CNBD1: variants seen among roughly 807,000 people sequenced by gnomAD.
CNBD1 encodes cyclic nucleotide binding domain containing 1.
Under a neutral mutation model 54.4 loss-of-function variants are expected in CNBD1, and 71 were observed. The observed-to-expected ratio is 1.30, with a 90% CI of 1.08 to 1.59. The LOEUF is 1.59. Ranked by LOEUF, CNBD1 falls within the 40% of genes most tolerant of loss-of-function variation. The probability of loss-of-function intolerance (pLI) is 0.00; values close to 1 mark genes in which losing one functional copy is unlikely to be tolerated. For missense variants in CNBD1, 659 were observed against 518.0 expected, an observed-to-expected ratio of 1.27 and a Z score of -2.64; for synonymous variants, 182 against 170.7, an observed-to-expected ratio of 1.07 and a Z score of -0.51.
At chr8:87,273,119 A>C (rs1467033625) in intron 6 of CNBD1, among the ~76,000 whole-genome samples, 2 of 152,012 alleles carry the variant, frequency 1.3e-5, no homozygotes, top group Non-Finnish European at 2.9e-5. Context: ...AAATAATAGT[A>C]GTACTGTAGT....
At chr8:87,049,433 G>A (rs1184493027) in intron 4 of CNBD1, among the ~76,000 whole-genome samples, 1 of 152,154 alleles carries the variant, frequency 6.6e-6, no homozygotes, top group Non-Finnish European at 1.5e-5. Flanking sequence ...GCATCCTTCT[G>A]AGAGCAACTA....
chr8:87,296,844 C>G (rs1454643412), intron 8 of CNBD1, among the ~76,000 whole-genome samples: 1 of 151,962 alleles, frequency 6.6e-6, no homozygotes, highest in Admixed American at 6.6e-5. Context: ...ATGCAAGCCA[C>G]ATATATCATT....
chr8:87,139,197 C>T (rs1812322210), intron 4 of CNBD1, among the ~76,000 whole-genome samples: 1 of 152,018 alleles, frequency 6.6e-6, no homozygotes. Context: ...TAAAGCCCTG[C>T]CATGGAAAGG....
intron 4 of CNBD1, among the ~76,000 whole-genome samples, chr8:87,024,389 G>C (rs1055256751): frequency 1.7e-4 from 25 of 150,208 alleles, no homozygotes; most frequent in African/African-American, 6.1e-4. Flanking sequence ...TCCCAGGCTG[G>C]AGTGCAGTGG....
chr8:87,236,295 T>C (rs1386980395), intron 5 of CNBD1, among the ~76,000 whole-genome samples: 1 of 152,022 alleles, frequency 6.6e-6, no homozygotes, highest in African/African-American at 2.4e-5. Flanking sequence ...CACAAATGAG[T>C]ATGTCTTTCA....
downstream of CNBD1, among the ~76,000 whole-genome samples, chr8:87,384,395 T>A (rs564095902): frequency 3.9e-5 from 6 of 152,160 alleles, no homozygotes; most frequent in East Asian, 9.7e-4. Flanking sequence ...AAAATATATA[T>A]AATATTATAT....
chr8:87,268,957 T>C (rs1808313213), intron 6 of CNBD1, among the ~76,000 whole-genome samples: 4 of 152,150 alleles, frequency 2.6e-5, no homozygotes, highest in Non-Finnish European at 4.4e-5. Flanking sequence ...TTTGTTTTTG[T>C]TGCAATTACC....
chr8:87,386,158 G>A (rs1811182377), downstream of CNBD1, among the ~76,000 whole-genome samples: 1 of 151,988 alleles, frequency 6.6e-6, no homozygotes. Context: ...TCACAAAGTT[G>A]GGGAAAAAAC....
chr8:87,283,207 C>T (rs866099576), intron 6 of CNBD1, among the ~76,000 whole-genome samples: 2 of 151,680 alleles, frequency 1.3e-5, no homozygotes, highest in Non-Finnish European at 2.9e-5. Context: ...TTATTGTGAC[C>T]ATTATTTACA....
chr8:87,311,031 T>G lies in CNBD1; in HGVS notation c.1042+24360T>G, dbSNP rs189691878. Among the ~76,000 whole-genome samples, 119 of 152,192 alleles carry G rather than the reference T, an allele frequency of 7.8e-4. 3 individuals are homozygous for G. The East Asian group carries it at 0.01, about 13-fold the overall frequency. On this transcript the variant is annotated intron_variant, in intron 8 of 10. Transcript: ENST00000518476. ...AACCTAGGAAACAGTATTGTGGACA[T>G]TGGCCTTGGGAAAGAATTTATGGCT...
chr8:87,028,868 C>T (rs768613121), intron 4 of CNBD1, among the ~76,000 whole-genome samples: 3 of 152,184 alleles, frequency 2.0e-5, no homozygotes, highest in Non-Finnish European at 4.4e-5. Flanking sequence ...TATACAAAAA[C>T]CATTGACTTG....
chr8:87,271,705 C>A (rs181761064), intron 6 of CNBD1, among the ~76,000 whole-genome samples: 1 of 151,964 alleles, frequency 6.6e-6, no homozygotes, highest in Non-Finnish European at 1.5e-5. Context: ...AGAGGTTCCT[C>A]AGATAACTAG....
intron 6 of CNBD1, among the ~76,000 whole-genome samples, chr8:87,262,237 A>G (rs541669920): frequency 6.6e-6 from 1 of 152,302 alleles, no homozygotes; most frequent in East Asian, 1.9e-4. Context: ...AAATATAAAA[A>G]CTAGAAGCAG....
At chr8:87,281,008 A>C (rs1414330799) in intron 6 of CNBD1, among the ~76,000 whole-genome samples, 1 of 151,592 alleles carries the variant, frequency 6.6e-6, no homozygotes, top group African/African-American at 2.4e-5. Context: ...TATAAAGTAA[A>C]TAGCTTTATA....
intron 4 of CNBD1, among the ~76,000 whole-genome samples, chr8:87,117,183 A>G (rs1057176773): frequency 2.0e-5 from 3 of 151,874 alleles, no homozygotes; most frequent in African/African-American, 4.8e-5. Context: ...TGGATCACGA[A>G]GTCAGGAGTT....
chr8:87,241,455 G>T (rs1373418034), intron 6 of CNBD1, among the ~76,000 whole-genome samples: 1 of 151,758 alleles, frequency 6.6e-6, no homozygotes, highest in Non-Finnish European at 1.5e-5. Flanking sequence ...TGTATTTTTA[G>T]TAGAGACGGG....
intron 10 of CNBD1, among the ~76,000 whole-genome samples, chr8:87,379,814 T>G: frequency 6.6e-6 from 1 of 151,910 alleles, no homozygotes; most frequent in East Asian, 1.9e-4. Context: ...ATAAGGAAGT[T>G]GAAGTAGAAT....
chr8:87,017,745 T>C (rs1809397388), intron 4 of CNBD1, among the ~76,000 whole-genome samples: 1 of 152,160 alleles, frequency 6.6e-6, no homozygotes, highest in African/African-American at 2.4e-5. Flanking sequence ...TATGTATATA[T>C]ATTTTCTTTT....
At position 87,254,476 on chromosome 8, in the gene CNBD1, G is replaced by T. The variant is rs554057766; in HGVS notation, c.771+17364G>T. 3.3e-5 allele frequency among the ~76,000 whole-genome samples: 5 copies of T among 152,240 alleles called. 1 individual carries two copies. The South Asian group carries it at 1.0e-3, about 32-fold the overall frequency. ...AAAAGGAATATTATTTCTTTGGATG[G>T]CCCAACACATCCAAGTGGTATCAAC... On this transcript the variant is annotated intron_variant, in intron 6 of 10. Coordinates refer to ENST00000518476, the MANE Select transcript of CNBD1 (RefSeq NM_173538.3).
Sources: gnomAD v4.1 joint callset for allele counts (sites outside exome capture counted in the v4.1 genomes callset) on GRCh38, gnomAD v4.1.1 for gene constraint, MANE v1.5 for transcripts, NCBI Gene and HGNC (gene_info 2026-07-23, HGNC 2026-07-21) for gene names.